GTF2H5: variants seen among roughly 807,000 people sequenced by gnomAD.
GTF2H5 encodes general transcription factor IIH subunit 5, also known as TFB5 ortholog.
Under a neutral mutation model 7.1 loss-of-function variants are expected in GTF2H5, and 5 were observed. The observed-to-expected ratio is 0.71, with a 90% CI of 0.37 to 1.49. GTF2H5 has a LOEUF of 1.49. GTF2H5 is among the 40% of genes most tolerant of loss of function. The pLI, the probability that GTF2H5 is intolerant of heterozygous loss-of-function variation, is 0.03. For synonymous variants in GTF2H5, 30 were observed against 31.7 expected, an observed-to-expected ratio of 0.95 and a Z score of 0.18; for missense variants, 80 against 83.0, an observed-to-expected ratio of 0.96 and a Z score of 0.14.
At chr6:158,188,453 A>G (rs1776964550) in intron 2 of GTF2H5, among the ~76,000 whole-genome samples, 5 of 152,196 alleles carry the variant, frequency 3.3e-5, no homozygotes. Context: ...TTTCTGCAAT[A>G]TCATCGGGAA....
At chr6:158,181,688 A>T (rs1786012539) in intron 2 of GTF2H5, among the ~76,000 whole-genome samples, 1 of 149,382 alleles carries the variant, frequency 6.7e-6, no homozygotes, top group Non-Finnish European at 1.5e-5. Flanking sequence ...AGAGACCAGG[A>T]TTGCAACCTC....
intron 2 of GTF2H5, among the ~76,000 whole-genome samples, chr6:158,180,674 T>C (rs1220283753): frequency 6.6e-6 from 1 of 152,120 alleles, no homozygotes; most frequent in African/African-American, 2.4e-5. Context: ...TTTATAGTAT[T>C]CTGATGGTAG....
At chr6:158,169,484 TATATTGTATATTATATAA>T (rs1785744533) in intron 1 of GTF2H5, among the ~76,000 whole-genome samples, 1 of 61,780 alleles carries the variant, frequency 1.6e-5, no homozygotes, top group African/African-American at 9.4e-5. Flanking sequence ...TTATATATAA[TATATTGTATATTATATAA>T]TATATTGTAT....
At chr6:158,171,934 A>G (rs1785861900) in intron 2 of GTF2H5, among the ~76,000 whole-genome samples, 1 of 152,216 alleles carries the variant, frequency 6.6e-6, no homozygotes, top group African/African-American at 2.4e-5. Context: ...TGAAGGCACT[A>G]GGTTTGATGT....
chr6:158,171,322 C>CA (rs1305581839), intron 2 of GTF2H5, among the ~76,000 whole-genome samples: 2 of 152,250 alleles, frequency 1.3e-5, no homozygotes, highest in Admixed American at 6.5e-5. Context: ...ACTAAGTCTT[C>CA]AAAAAAATCT....
intron 1 of GTF2H5, among the ~76,000 whole-genome samples, chr6:158,169,742 A>ATGT (rs1785805945): frequency 1.6e-5 from 1 of 62,002 alleles, no homozygotes; most frequent in Non-Finnish European, 3.0e-5. Flanking sequence ...TGTATATTAT[A>ATGT]TATTATATAA....
intron 2 of GTF2H5, among the ~76,000 whole-genome samples, chr6:158,178,053 T>C (rs1297756868): frequency 3.3e-5 from 5 of 152,232 alleles, no homozygotes; most frequent in Non-Finnish European, 5.9e-5. Flanking sequence ...GTCTTTATCA[T>C]AGAATGATTT....
chr6:158,192,375 A>G lies in GTF2H5; in HGVS notation c.*218A>G. On this transcript the variant is annotated 3_prime_UTR_variant, in exon 3 of 3. Coordinates refer to ENST00000607778, the MANE Select transcript of GTF2H5 (RefSeq NM_207118.3). ...AAAAAAGCTTTAACAGTTGGCTGTA[A>G]TTTGGCTTTTATTATCCTTTATTAA... 1.9e-6 allele frequency: 1 copy of G among 524,056 alleles called. No individual in the cohort carries two copies. Among genetic ancestry groups the G allele is most frequent in the Non-Finnish European group, 3.4e-6 (1 of 292,568 alleles). The allele number at this position is 524,056 out of a possible 1,614,324, so 32.5% of individuals were successfully genotyped here.
chr6:158,175,044 G>GTATA lies in GTF2H5; in HGVS notation c.35+4507_35+4510dup, dbSNP rs1554267664. On this transcript the variant is annotated intron_variant, in intron 2 of 2. Transcript: ENST00000607778. ...TGTGTGTGTGTGTGTGTGTGTGTGT[G>GTATA]TATACACACACACACACATACACAT... Among the ~76,000 whole-genome samples, 338 of 142,830 alleles carry GTATA rather than the reference G, an allele frequency of 2.4e-3. 1 individual carries two copies. The highest frequency in any genetic ancestry group is 4.2e-3 in the South Asian group (19 of 4,516). The allele number at this position is 142,830 out of a possible 152,430, so 93.7% of individuals were successfully genotyped here. A position where few individuals can be genotyped will look rare whatever the true frequency, so the allele number is the denominator to read the frequency against.
intron 2 of GTF2H5, among the ~76,000 whole-genome samples, chr6:158,189,110 G>T (rs1776979616): frequency 6.6e-6 from 1 of 151,836 alleles, no homozygotes; most frequent in South Asian, 2.1e-4. Flanking sequence ...ACTTTGTCCT[G>T]AGCTCACTGC....
At chr6:158,181,549 G>T (rs1240613034) in intron 2 of GTF2H5, among the ~76,000 whole-genome samples, 2 of 152,142 alleles carry the variant, frequency 1.3e-5, no homozygotes, top group African/African-American at 4.8e-5. Flanking sequence ...ACGAATCTGG[G>T]TCCCCCTGTA....
At chr6:158,186,025 T>A (rs1391771895) in intron 2 of GTF2H5, among the ~76,000 whole-genome samples, 1 of 152,186 alleles carries the variant, frequency 6.6e-6, no homozygotes, top group Non-Finnish European at 1.5e-5. Flanking sequence ...AAATTTTTTA[T>A]ATGACCAGTT....
rs1303273143 is a variant in GTF2H5 at position 158,196,502 on chromosome 6, A to T, written c.*4345A>T. The T allele has an allele frequency of 6.6e-6, 1 of 152,226 alleles. No individual in the cohort carries two copies. The allele number at this position is 152,226 out of a possible 1,614,324, so 9.4% of individuals were successfully genotyped here. ...AAAAAGTTGATGGAAAATGCATATT[A>T]TGAAAAAAATTATGCATAGATTTCA... On this transcript the variant is annotated 3_prime_UTR_variant, in exon 3 of 3. Coordinates refer to ENST00000607778, the MANE Select transcript of GTF2H5 (RefSeq NM_207118.3).
At chr6:158,185,147 C>CTT (rs1165100637) in intron 2 of GTF2H5, among the ~76,000 whole-genome samples, 13 of 132,738 alleles carry the variant, frequency 9.8e-5, no homozygotes, top group East Asian at 2.2e-4. Flanking sequence ...CTTTGAGTGT[C>CTT]TTTTTTTTTT....
At chr6:158,168,793 C>T (rs1785683798) in intron 1 of GTF2H5, among the ~76,000 whole-genome samples, 1 of 152,226 alleles carries the variant, frequency 6.6e-6, no homozygotes, top group Non-Finnish European at 1.5e-5. Flanking sequence ...TTGGTCTCCT[C>T]ATATGTAAAA....
chr6:158,190,538 T>A (rs1330738256), intron 2 of GTF2H5: 1 of 355,962 alleles, frequency 2.8e-6, no homozygotes, highest in Non-Finnish European at 5.5e-6. Flanking sequence ...CAGTTAAAAT[T>A]TAAGTCAGTT....
At chr6:158,189,837 A>G (rs1776991950) in intron 2 of GTF2H5, among the ~76,000 whole-genome samples, 1 of 152,126 alleles carries the variant, frequency 6.6e-6, no homozygotes, top group African/African-American at 2.4e-5. Flanking sequence ...GACTCCACCA[A>G]AACTGCTATT....
Position 158,195,022 on chromosome 6 carries a change from C to T in GTF2H5, c.*2865C>T, listed in dbSNP as rs1212966164. The T allele has an allele frequency of 1.3e-5, 2 of 152,116 alleles. No homozygotes were observed. Among genetic ancestry groups the T allele is most frequent in the Non-Finnish European group, 2.9e-5 (2 of 68,032 alleles). 9.4% of individuals were successfully genotyped at this position (152,116 alleles called of 1,614,324 possible). A position where few individuals can be genotyped will look rare whatever the true frequency, so the allele number is the denominator to read the frequency against. ...GCTGACATGTCCAACTATGGGTGAA[C>T]AGGAAATAAGCGACATTCACCTAGG... is the stretch of plus-strand genomic sequence containing the variant. On this transcript the variant is annotated 3_prime_UTR_variant, in exon 3 of 3. Transcript: ENST00000607778.
intron 2 of GTF2H5, among the ~76,000 whole-genome samples, chr6:158,176,068 A>T (rs2128429624): frequency 6.6e-6 from 1 of 152,298 alleles, no homozygotes; most frequent in South Asian, 2.1e-4. Context: ...CCATTTATGG[A>T]TGTACAAAGT....
Sources: gnomAD v4.1 joint callset for allele counts (sites outside exome capture counted in the v4.1 genomes callset) on GRCh38, gnomAD v4.1.1 for gene constraint, MANE v1.5 for transcripts, NCBI Gene and HGNC (gene_info 2026-07-23, HGNC 2026-07-21) for gene names.